Variants in PLD5 observed in about 807,000 individuals in gnomAD.
PLD5 encodes phospholipase D family member 5, also known as inactive phospholipase D5.
Under a neutral mutation model 61.1 loss-of-function variants are expected in PLD5, and 36 were observed. The ratio of observed to expected loss-of-function variants is 0.59; its 90% CI spans 0.45 to 0.78. The LOEUF is 0.78. PLD5 is among the 30% of genes least tolerant of loss of function. PLD5 has a pLI of 0.00. For missense variants in PLD5, 515 were observed against 644.4 expected (o/e 0.80, Z 2.17); for synonymous variants, 243 against 242.8 (o/e 1.00, Z -0.01).
At chr1:242,282,528 G>C (rs1176206088) in intron 3 of PLD5, among the ~76,000 whole-genome samples, 1 of 152,120 alleles carries the variant, frequency 6.6e-6, no homozygotes, top group East Asian at 1.9e-4. Context: ...AAACAATTCT[G>C]ATGTATCATC....
intron 1 of PLD5, among the ~76,000 whole-genome samples, chr1:242,436,044 C>T (rs969700344): frequency 3.9e-5 from 6 of 152,196 alleles, no homozygotes; most frequent in Middle Eastern, 3.4e-3. Context: ...AATAGCCTTC[C>T]CTATCAGAAA....
At chr1:242,120,409 T>C (rs1178028738) in intron 6 of PLD5, among the ~76,000 whole-genome samples, 2 of 152,190 alleles carry the variant, frequency 1.3e-5, no homozygotes, top group Non-Finnish European at 2.9e-5. Flanking sequence ...AGCTTTGGCC[T>C]CTCAAAGTGC....
intron 4 of PLD5, among the ~76,000 whole-genome samples, chr1:242,260,300 T>C (rs1673307888): frequency 6.7e-6 from 1 of 150,262 alleles, no homozygotes; most frequent in Non-Finnish European, 1.5e-5. Flanking sequence ...TGAGCCGAGA[T>C]GGCACCATTG....
intron 5 of PLD5, among the ~76,000 whole-genome samples, chr1:242,170,761 C>T (rs192931769): frequency 1.3e-5 from 2 of 152,118 alleles, no homozygotes; most frequent in Admixed American, 1.3e-4. Context: ...GTGAAGCATA[C>T]ATGAGTATTA....
In PLD5 at chr1:242,191,353, T is replaced by C. The variant is rs562828474; in HGVS notation, c.735+28635A>G. 2.0e-5 allele frequency among the ~76,000 whole-genome samples: 3 copies of C among 152,152 alleles called. No homozygotes were observed. In the East Asian group the frequency reaches 5.8e-4, roughly 30 times the overall value. On this transcript the variant is annotated intron_variant, in intron 5 of 9. Coordinates refer to ENST00000536534, the MANE Select transcript of PLD5 (RefSeq NM_001372062.1). ...ATAATCCCAGCAGTTTAGAAGGCCA[T>C]GGCAGGTGGATCACTTGAGGTCAGG...
chr1:242,142,631 T>C (rs1026924586), intron 5 of PLD5, among the ~76,000 whole-genome samples: 6 of 141,566 alleles, frequency 4.2e-5, no homozygotes, highest in African/African-American at 1.5e-4. Context: ...TCCACTTCTT[T>C]ACACTAATGT....
At chr1:242,410,688 G>A (rs555988625) in intron 1 of PLD5, among the ~76,000 whole-genome samples, 2 of 151,926 alleles carry the variant, frequency 1.3e-5, no homozygotes, top group East Asian at 3.9e-4. Context: ...TAGGTATTTT[G>A]CGTTCCATTA....
intron 4 of PLD5, among the ~76,000 whole-genome samples, chr1:242,261,635 A>G (rs1394439569): frequency 1.3e-5 from 2 of 152,222 alleles, no homozygotes. Flanking sequence ...CTAATAATCA[A>G]TAGGAATGGG....
chr1:242,339,219 G>A (rs893272433), intron 2 of PLD5, among the ~76,000 whole-genome samples: 5 of 152,030 alleles, frequency 3.3e-5, no homozygotes, highest in African/African-American at 9.7e-5. Context: ...TTAAAAAAAG[G>A]TATCCGCTCA....
chr1:242,422,089 T>G (rs1284153607), intron 1 of PLD5, among the ~76,000 whole-genome samples: 1 of 152,232 alleles, frequency 6.6e-6, no homozygotes, highest in Non-Finnish European at 1.5e-5. Flanking sequence ...AGTATTTTTA[T>G]GAGTAAGCCT....
chr1:242,090,254 G>A (rs901417929), intron 9 of PLD5, 144 bp from the exon 10 acceptor site: 23 of 1,064,946 alleles, frequency 2.2e-5, no homozygotes, highest in South Asian at 1.1e-4. Flanking sequence ...TGACAGCTCC[G>A]AAAAAAAAAT....
intron 5 of PLD5, among the ~76,000 whole-genome samples, chr1:242,199,454 A>G (rs1316748871): frequency 2.0e-5 from 3 of 151,900 alleles, no homozygotes; most frequent in Non-Finnish European, 2.9e-5. Context: ...GGTGTTTCAC[A>G]ATGTTGGCCA....
At position 242,101,863 on chromosome 1, in the gene PLD5, C is replaced by T. The variant is rs373165182; in HGVS notation, c.1240-1081G>A. Reference sequence around the variant, plus strand: ...AGTTCTATTTTGATTTTTTGTAAAACCCTTGAGGTCCACAGAGCAGAGATC... The same window carrying T: ...AGTTCTATTTTGATTTTTTGTAAAATCCTTGAGGTCCACAGAGCAGAGATC... On this transcript the variant is annotated intron_variant, in intron 8 of 9. Transcript: ENST00000536534. Among the ~76,000 whole-genome samples, 25 of 152,216 alleles carry T rather than the reference C, an allele frequency of 1.6e-4. No homozygotes were observed. In the South Asian group the frequency reaches 4.8e-3, roughly 29 times the overall value.
At chr1:242,242,277 C>T (rs780891634) in intron 4 of PLD5, among the ~76,000 whole-genome samples, 2 of 152,170 alleles carry the variant, frequency 1.3e-5, no homozygotes, top group East Asian at 1.9e-4. Context: ...TATACACCTG[C>T]GCCTGCAATC....
At chr1:242,249,449 TTC>T (rs1672582601) in intron 4 of PLD5, among the ~76,000 whole-genome samples, 1 of 152,254 alleles carries the variant, frequency 6.6e-6, no homozygotes, top group Non-Finnish European at 1.5e-5. Context: ...GTCTCAGATA[TTC>T]TGTTATAGCA....
intron 5 of PLD5, among the ~76,000 whole-genome samples, chr1:242,206,040 G>A (rs1304368905): frequency 6.6e-6 from 1 of 152,224 alleles, no homozygotes; most frequent in Non-Finnish European, 1.5e-5. Context: ...CCATGAAATA[G>A]TTATTGTCAG....
chr1:242,414,235 G>A (rs761686074), intron 1 of PLD5, among the ~76,000 whole-genome samples: 5 of 152,102 alleles, frequency 3.3e-5, no homozygotes, highest in Non-Finnish European at 5.9e-5. Context: ...TCTGTGAAAC[G>A]CAAAAGGATT....
At chr1:242,097,718 T>C (rs1660360817) in intron 9 of PLD5, among the ~76,000 whole-genome samples, 1 of 152,212 alleles carries the variant, frequency 6.6e-6, no homozygotes, top group African/African-American at 2.4e-5. Context: ...CTGATGGTAG[T>C]TTCTTTTGCT....
chr1:242,303,002 A>C lies in PLD5; in HGVS notation c.327-14472T>G, dbSNP rs371468848. Among the ~76,000 whole-genome samples the C allele has an allele frequency of 2.0e-5, 3 of 152,254 alleles. No individual in the cohort carries two copies. The East Asian group carries it at 5.8e-4, about 29-fold the overall frequency. ...ATTCTCCTGGATATTTTGATGGAGT[A>C]GGGGACCGAATATCAGAATCTGTGA... On this transcript the variant is annotated intron_variant, in intron 2 of 9. Coordinates refer to ENST00000536534, the MANE Select transcript of PLD5 (RefSeq NM_001372062.1).
Sources: gnomAD v4.1 joint callset for allele counts (sites outside exome capture counted in the v4.1 genomes callset) on GRCh38, gnomAD v4.1.1 for gene constraint, MANE v1.5 for transcripts, NCBI Gene and HGNC (gene_info 2026-07-23, HGNC 2026-07-21) for gene names.